The following HEBP2 variants were observed in gnomAD, a reference collection of about 807,000 sequenced individuals.
HEBP2 encodes heme-binding protein 2.
A neutral mutation model predicts 23.1 loss-of-function variants in HEBP2; 27 were observed. The observed-to-expected ratio is 1.17, with a 90% confidence interval of 0.86 to 1.61. The LOEUF is 1.61. Ranked by LOEUF, HEBP2 falls within the 40% of genes most tolerant of loss-of-function variation. The probability of loss-of-function intolerance (pLI) is 0.00; values close to 1 mark genes in which losing one functional copy is unlikely to be tolerated. For missense variants in HEBP2, 245 were observed against 253.8 expected (o/e 0.97, Z 0.24); for synonymous variants, 99 against 95.1 (o/e 1.04, Z -0.24).
chr6:138,407,842 G>A (rs185334845), intron 3 of HEBP2, among the ~76,000 whole-genome samples: 4 of 152,234 alleles, frequency 2.6e-5, no homozygotes, highest in Non-Finnish European at 5.9e-5. Context: ...CGGAGGGACA[G>A]ACATCACAGC....
chr6:138,409,529 A>T (rs1774708403), intron 3 of HEBP2, among the ~76,000 whole-genome samples: 1 of 152,214 alleles, frequency 6.6e-6, no homozygotes, highest in Admixed American at 6.5e-5. Flanking sequence ...TGACATTCCC[A>T]ATAGATACTG....
chr6:138,405,192 C>T lies in HEBP2; in HGVS notation c.150C>T (p.Ser50=). ...IRHYGPAKWV[S]TSVESMDWDS... is the part of the protein sequence containing the mutation. ...ACTATGGACCAGCCAAGTGGGTCAG[C>T]ACGTCCGTGGAGTCTATGGACTGGG... Residue 50 remains serine, a synonymous_variant, in exon 2 of 4, where the codon AGC becomes AGT. Transcript: ENST00000607197. The T allele has an allele frequency of 1.2e-6, 2 of 1,614,104 alleles. No homozygotes were observed. Among genetic ancestry groups the T allele is most frequent in the South Asian group, 2.2e-5 (2 of 91,054 alleles).
intron 3 of HEBP2, among the ~76,000 whole-genome samples, chr6:138,412,591 C>T (rs1410462650): frequency 6.6e-6 from 1 of 152,156 alleles, no homozygotes; most frequent in African/African-American, 2.4e-5. Flanking sequence ...GTAACTGGGA[C>T]TACAGGCATC....
intron 3 of HEBP2, among the ~76,000 whole-genome samples, chr6:138,412,510 G>A (rs761659277): frequency 6.6e-6 from 1 of 152,182 alleles, no homozygotes; most frequent in Non-Finnish European, 1.5e-5. Flanking sequence ...CTGGAGTGCA[G>A]TGGCGTGATC....
rs1390403142 is a variant in HEBP2, at chr6:138,419,579, T to A, written c.*6501T>A. The A allele has an allele frequency of 6.6e-6, 1 of 151,948 alleles. No homozygotes were observed. The highest frequency in any genetic ancestry group is 2.4e-5 in the African/African-American group (1 of 41,358). The allele number at this position is 151,948 out of a possible 1,614,324, so 9.4% of individuals were successfully genotyped here. A position where few individuals can be genotyped will look rare whatever the true frequency, so the allele number is the denominator to read the frequency against. On this transcript the variant is annotated 3_prime_UTR_variant, in exon 4 of 4. Coordinates refer to ENST00000607197, the MANE Select transcript of HEBP2 (RefSeq NM_014320.3). ...CTGCGCCACCTAGAAGCTGCTAGAC[T>A]GATGGAATGTTGGCATGGCCTGCTT...
chr6:138,404,502 G>A lies in HEBP2; in HGVS notation c.7G>A (p.Glu3Lys), dbSNP rs1046713273. ...CAGAGCGTCAGCGCCGCCCATGGCCGAGCCGCTCCAGCCAGACCCCGGGGC... is the reference window on the plus strand; with the variant it reads ...CAGAGCGTCAGCGCCGCCCATGGCCAAGCCGCTCCAGCCAGACCCCGGGGC... MA[E>K]PLQPDPGAAE... Residue 3 changes from glutamate (E) to lysine (K), a missense_variant, in exon 1 of 4, where the codon GAG becomes AAG. Physicochemically the swap from Glu to Lys is moderately conservative, Grantham distance 56. Coordinates refer to ENST00000607197, the MANE Select transcript of HEBP2 (RefSeq NM_014320.3). The A allele has an allele frequency of 3.1e-6, 4 of 1,288,996 alleles. No homozygotes were observed. Among genetic ancestry groups the A allele is most frequent in the East Asian group, 3.1e-5 (1 of 31,944 alleles). The allele number at this position is 1,288,996 out of a possible 1,614,324, so 79.8% of individuals were successfully genotyped here.
chr6:138,408,004 C>T (rs1395105799), intron 3 of HEBP2, among the ~76,000 whole-genome samples: 1 of 152,212 alleles, frequency 6.6e-6, no homozygotes, highest in Non-Finnish European at 1.5e-5. Flanking sequence ...TTGTTCTGCC[C>T]TCCCCAGGCA....
At chr6:138,406,527 C>A (rs528097172) in intron 3 of HEBP2, among the ~76,000 whole-genome samples, 1 of 152,302 alleles carries the variant, frequency 6.6e-6, no homozygotes, top group African/African-American at 2.4e-5. Context: ...AAATTTCTCT[C>A]TCACATTTCT....
chr6:138,418,913 G>C lies in HEBP2; in HGVS notation c.*5835G>C, dbSNP rs1268850939. Reference sequence around the variant, plus strand: ...AGTGGCAGAAAATGGCCTGCCAGCTGATCAGGAGTTTGGGAGGAAAAAAAC... The same window carrying C: ...AGTGGCAGAAAATGGCCTGCCAGCTCATCAGGAGTTTGGGAGGAAAAAAAC... On this transcript the variant is annotated 3_prime_UTR_variant, in exon 4 of 4. Transcript: ENST00000607197. 6.6e-6 allele frequency: 1 copy of C among 152,210 alleles called. No individual in the cohort carries two copies. The highest frequency in any genetic ancestry group is 1.5e-5 in the Non-Finnish European group (1 of 68,058). 9.4% of individuals were successfully genotyped at this position (152,210 alleles called of 1,614,324 possible). A position where few individuals can be genotyped will look rare whatever the true frequency, so the allele number is the denominator to read the frequency against.
rs1056272495 is a variant in HEBP2 at position 138,413,380 on chromosome 6, T to C, written c.*302T>C. Reference sequence around the variant, plus strand: ...TGCATCACAATCATATTCCCTTTTTTTTTTCTTGGATTTGTGTCAGTTGGA... The same window carrying C: ...TGCATCACAATCATATTCCCTTTTTCTTTTCTTGGATTTGTGTCAGTTGGA... On this transcript the variant is annotated 3_prime_UTR_variant, in exon 4 of 4. Coordinates refer to ENST00000607197, the MANE Select transcript of HEBP2 (RefSeq NM_014320.3). 5 of 243,096 alleles carry C rather than the reference T, an allele frequency of 2.1e-5. No homozygotes were observed. The highest frequency in any genetic ancestry group is 4.0e-5 in the Non-Finnish European group (5 of 125,128). The allele number at this position is 243,096 out of a possible 1,614,324, so 15.1% of individuals were successfully genotyped here.
In HEBP2 at chr6:138,417,411, T is replaced by G. The variant is rs1774857376; in HGVS notation, c.*4333T>G. The G allele has an allele frequency of 6.6e-6, 1 of 152,166 alleles. No individual in the cohort carries two copies. Among genetic ancestry groups the G allele is most frequent in the Non-Finnish European group, 1.5e-5 (1 of 68,036 alleles). The allele number at this position is 152,166 out of a possible 1,614,324, so 9.4% of individuals were successfully genotyped here. A position where few individuals can be genotyped will look rare whatever the true frequency, so the allele number is the denominator to read the frequency against. On this transcript the variant is annotated 3_prime_UTR_variant, in exon 4 of 4. Coordinates refer to ENST00000607197, the MANE Select transcript of HEBP2 (RefSeq NM_014320.3). ...ATCTGCTTCTGGCCATGATGATGAA[T>G]TGGGAACCCAATTTACCTGTCCCTC...
rs1774861694 is a variant in HEBP2, at chr6:138,417,680, TGAGAG to T, written c.*4611_*4615del. ...GTCACCGGAGGCCAAGGTGAGTAAGTGAGAGGAGAGGAGGCAGCAGCACACAGACA... is the reference window on the plus strand; with the variant it reads ...GTCACCGGAGGCCAAGGTGAGTAAGTGAGAGGAGGCAGCAGCACACAGACA... On this transcript the variant is annotated 3_prime_UTR_variant, in exon 4 of 4. Transcript: ENST00000607197. 2 of 152,342 alleles carry T rather than the reference TGAGAG, an allele frequency of 1.3e-5. 1 individual carries two copies. The highest frequency in any genetic ancestry group is 4.2e-4 in the South Asian group (2 of 4,818). The allele number at this position is 152,342 out of a possible 1,614,324, so 9.4% of individuals were successfully genotyped here.
chr6:138,419,122 G>C lies in HEBP2; in HGVS notation c.*6044G>C, dbSNP rs747438461. 8 of 152,140 alleles carry C rather than the reference G, an allele frequency of 5.3e-5. No homozygotes were observed. Among genetic ancestry groups the C allele is most frequent in the Non-Finnish European group, 7.3e-5 (5 of 68,042 alleles). 9.4% of individuals were successfully genotyped at this position (152,140 alleles called of 1,614,324 possible). A position where few individuals can be genotyped will look rare whatever the true frequency, so the allele number is the denominator to read the frequency against. Reference sequence around the variant, plus strand: ...AGCTTTTGCCAGTGCCCACCTCAGTGCTGGTAAAATGCACACATAAAGTGG... The same window carrying C: ...AGCTTTTGCCAGTGCCCACCTCAGTCCTGGTAAAATGCACACATAAAGTGG... On this transcript the variant is annotated 3_prime_UTR_variant, in exon 4 of 4. Coordinates refer to ENST00000607197, the MANE Select transcript of HEBP2 (RefSeq NM_014320.3).
intron 3 of HEBP2, 41 bp from the exon 4 acceptor site, chr6:138,412,839 G>T: frequency 6.5e-7 from 1 of 1,541,224 alleles, no homozygotes; most frequent in South Asian, 1.1e-5. Flanking sequence ...ATTCACATCA[G>T]TATTAAAATC....
At chr6:138,411,881 G>T (rs1256242973) in intron 3 of HEBP2, among the ~76,000 whole-genome samples, 1 of 152,030 alleles carries the variant, frequency 6.6e-6, no homozygotes, top group Non-Finnish European at 1.5e-5. Context: ...AGCCCAGGAG[G>T]TCAAGGATGC....
At chr6:138,404,133 G>C (rs1245747159), upstream of HEBP2, 3 of 226,448 alleles carry the variant, frequency 1.3e-5, no homozygotes, top group African/African-American at 4.5e-5. Context: ...CTGCCCGCGG[G>C]GCCACCTGTG....
intron 3 of HEBP2, among the ~76,000 whole-genome samples, chr6:138,406,685 C>G (rs1418688892): frequency 1.3e-5 from 2 of 152,170 alleles, no homozygotes; most frequent in Non-Finnish European, 2.9e-5. Flanking sequence ...TTACAAGGCT[C>G]TACCCTCATG....
At position 138,412,134 on chromosome 6, in the gene HEBP2, C is replaced by A. The variant is rs80281080; in HGVS notation, c.420-746C>A. 215 of 429,120 alleles carry A rather than the reference C, an allele frequency of 5.0e-4. 2 individuals are homozygous for A. In the East Asian group the frequency reaches 0.014, roughly 28 times the overall value. 26.6% of individuals were successfully genotyped at this position (429,120 alleles called of 1,614,324 possible). A position where few individuals can be genotyped will look rare whatever the true frequency, so the allele number is the denominator to read the frequency against. On this transcript the variant is annotated intron_variant, in intron 3 of 3. Transcript: ENST00000607197. Reference sequence around the variant, plus strand: ...GTGAAAATCGAGTCTGGAAAAGGGGCTTCTACAGGGGTGTTGGTGTAGTTC... The same window carrying A: ...GTGAAAATCGAGTCTGGAAAAGGGGATTCTACAGGGGTGTTGGTGTAGTTC...
intron 3 of HEBP2, among the ~76,000 whole-genome samples, chr6:138,409,603 T>C (rs920412234): frequency 6.6e-6 from 1 of 152,322 alleles, no homozygotes; most frequent in Admixed American, 6.5e-5. Context: ...CTGCAAGCCG[T>C]CTTCCCTGCC....
Sources: gnomAD v4.1 joint callset for allele counts (sites outside exome capture counted in the v4.1 genomes callset) on GRCh38, gnomAD v4.1.1 for gene constraint, MANE v1.5 for transcripts, NCBI Gene and HGNC (gene_info 2026-07-23, HGNC 2026-07-21) for gene names.